CCDC178: variants seen among roughly 807,000 people sequenced by gnomAD.
The protein encoded by CCDC178 is coiled-coil domain containing 178.
In CCDC178, 126 loss-of-function variants were observed where a neutral mutation model predicts 117.4. That is an observed-to-expected ratio of 1.07 (90% CI 0.93 to 1.24). The LOEUF (loss-of-function observed/expected upper bound fraction) is 1.24, where lower values mean the gene tolerates loss of function less well. Ranked by LOEUF, CCDC178 falls within the 50% of genes most tolerant of loss-of-function variation. The pLI, the probability that CCDC178 is intolerant of heterozygous loss-of-function variation, is 0.00. For synonymous variants in CCDC178, 283 were observed against 313.4 expected (o/e 0.90, Z 1.02); for missense variants, 1,030 against 986.9 (o/e 1.04, Z -0.59).
intron 2 of CCDC178, among the ~76,000 whole-genome samples, chr18:33,426,657 A>T (rs2064129344): frequency 6.6e-6 from 1 of 152,072 alleles, no homozygotes; most frequent in Admixed American, 6.5e-5. Flanking sequence ...CTCACTACAA[A>T]ACGTATTTGC....
intron 22 of CCDC178, among the ~76,000 whole-genome samples, chr18:32,952,552 C>A (rs1385744711): frequency 1.3e-5 from 2 of 152,172 alleles, no homozygotes; most frequent in Admixed American, 1.3e-4. Flanking sequence ...GGCCCTGGGC[C>A]AAGTCCATTA....
intron 14 of CCDC178, among the ~76,000 whole-genome samples, chr18:33,253,965 G>A (rs1177313721): frequency 6.6e-6 from 1 of 151,738 alleles, no homozygotes; most frequent in Non-Finnish European, 1.5e-5. Context: ...TAACATAAAT[G>A]ATTCAATAAA....
intron 21 of CCDC178, among the ~76,000 whole-genome samples, chr18:33,089,062 T>G (rs2057424483): frequency 6.6e-6 from 1 of 151,940 alleles, no homozygotes; most frequent in Non-Finnish European, 1.5e-5. Flanking sequence ...AAATTAAATC[T>G]CCTCCAAATA....
At chr18:33,284,993 GAAT>G (rs2060080297) in intron 12 of CCDC178, among the ~76,000 whole-genome samples, 2 of 151,140 alleles carry the variant, frequency 1.3e-5, no homozygotes, top group Non-Finnish European at 3.0e-5. Flanking sequence ...AAAAGTGAAA[GAAT>G]AAGCCTAAAG....
intron 18 of CCDC178, among the ~76,000 whole-genome samples, chr18:33,218,093 C>T (rs1050614419): frequency 7.2e-5 from 11 of 151,974 alleles, no homozygotes; most frequent in African/African-American, 2.7e-4. Flanking sequence ...TCTTTTGAGG[C>T]CCATTATAAG....
intron 12 of CCDC178, among the ~76,000 whole-genome samples, chr18:33,285,149 G>C (rs184267742): frequency 6.6e-6 from 1 of 151,644 alleles, no homozygotes; most frequent in African/African-American, 2.4e-5. Context: ...GTGAAAATAC[G>C]TATACAATTA....
intron 11 of CCDC178, among the ~76,000 whole-genome samples, chr18:33,322,664 C>T (rs565024112): frequency 1.6e-4 from 24 of 151,268 alleles, no homozygotes; most frequent in Non-Finnish European, 3.6e-4. Flanking sequence ...GAAAATATAT[C>T]CAATTGATCA....
intron 15 of CCDC178, among the ~76,000 whole-genome samples, chr18:33,242,661 T>C (rs2059501722): frequency 6.6e-6 from 1 of 151,652 alleles, no homozygotes; most frequent in South Asian, 2.1e-4. Flanking sequence ...GAAAAAAAGT[T>C]CAACATTACT....
At chr18:33,004,029 A>C (rs960398304) in intron 21 of CCDC178, among the ~76,000 whole-genome samples, 2 of 152,272 alleles carry the variant, frequency 1.3e-5, no homozygotes, top group Admixed American at 1.3e-4. Flanking sequence ...TGAAAAGGAC[A>C]CAAAAAAATA....
At position 33,370,162 on chromosome 18, in the gene CCDC178, T is replaced by C; in HGVS notation, c.236A>G (p.Tyr79Cys). ...GGCACAGCTGTGACGTCGACATGGGTAGCTAAAGTAAATGCCTTTATTCAC... is the reference window on the plus strand; with the variant it reads ...GGCACAGCTGTGACGTCGACATGGGCAGCTAAAGTAAATGCCTTTATTCAC... Reference protein sequence around the residue: ...EGVNKGIYFSYPCRRHSCAVV... With the variant: ...EGVNKGIYFSCPCRRHSCAVV... The change falls in exon 6 of 23, where the codon TAC (tyrosine) becomes TGC (cysteine). Residue 79 changes from tyrosine (Y) to cysteine (C), a missense_variant. Coordinates refer to ENST00000383096, the MANE Select transcript of CCDC178 (RefSeq NM_001105528.4). The C allele has an allele frequency of 1.2e-6, 2 of 1,603,704 alleles. No homozygotes were observed. The highest frequency in any genetic ancestry group is 1.7e-6 in the Non-Finnish European group (2 of 1,175,518).
intron 20 of CCDC178, among the ~76,000 whole-genome samples, chr18:33,146,864 T>C (rs1051996016): frequency 1.3e-5 from 2 of 152,202 alleles, no homozygotes; most frequent in African/African-American, 4.8e-5. Context: ...TAACAACAGA[T>C]GGAAAGTCTA....
At chr18:32,977,505 T>C (rs181870262) in intron 21 of CCDC178, among the ~76,000 whole-genome samples, 1 of 152,316 alleles carries the variant, frequency 6.6e-6, no homozygotes, top group Admixed American at 6.5e-5. Flanking sequence ...CAGACCTTAC[T>C]TTACTAGTTC....
intron 14 of CCDC178, 93 bp downstream of exon 14, chr18:33,266,823 A>G (rs1301611427): frequency 8.3e-7 from 1 of 1,209,048 alleles, no homozygotes; most frequent in Non-Finnish European, 1.1e-6. Flanking sequence ...CAAAAACACC[A>G]CCATATAACT....
intron 3 of CCDC178, among the ~76,000 whole-genome samples, chr18:33,407,794 A>G (rs2063800655): frequency 6.6e-6 from 1 of 151,994 alleles, no homozygotes; most frequent in African/African-American, 2.4e-5. Flanking sequence ...TTTTGTATCA[A>G]TAATTATATC....
At chr18:33,420,654 C>T (rs543799874) in intron 2 of CCDC178, among the ~76,000 whole-genome samples, 1 of 152,264 alleles carries the variant, frequency 6.6e-6, no homozygotes, top group South Asian at 2.1e-4. Context: ...TGTGCCCAGC[C>T]TGCCATTACT....
intron 14 of CCDC178, among the ~76,000 whole-genome samples, chr18:33,254,809 AAT>A (rs2059660283): frequency 6.6e-6 from 1 of 152,052 alleles, no homozygotes; most frequent in Non-Finnish European, 1.5e-5. Context: ...AGCTGAAAAC[AAT>A]ATGAGTTCAG....
At chr18:33,156,479 A>C (rs2058399200) in intron 20 of CCDC178, among the ~76,000 whole-genome samples, 1 of 151,886 alleles carries the variant, frequency 6.6e-6, no homozygotes, top group Non-Finnish European at 1.5e-5. Context: ...AATAATAGGC[A>C]TTGTAAAAGG....
chr18:33,139,806 C>T (rs1012356995), intron 20 of CCDC178, among the ~76,000 whole-genome samples: 10 of 152,202 alleles, frequency 6.6e-5, no homozygotes, highest in South Asian at 2.1e-4. Context: ...CAGAAATTTG[C>T]GTAAGTAACG....
At chr18:33,258,515 C>T (rs1380511518) in intron 14 of CCDC178, among the ~76,000 whole-genome samples, 1 of 152,144 alleles carries the variant, frequency 6.6e-6, no homozygotes, top group Non-Finnish European at 1.5e-5. Context: ...TCATTCTCTA[C>T]CACATTATTC....
Sources: gnomAD v4.1 joint callset for allele counts (sites outside exome capture counted in the v4.1 genomes callset) on GRCh38, gnomAD v4.1.1 for gene constraint, MANE v1.5 for transcripts, NCBI Gene and HGNC (gene_info 2026-07-23, HGNC 2026-07-21) for gene names.